Variants in UPK3B observed in about 807,000 individuals in gnomAD.
UPK3B encodes the protein uroplakin 3B, also known as uroplakin-3b.
Under a neutral mutation model 27.6 loss-of-function variants are expected in UPK3B, and 21 were observed. The ratio of observed to expected loss-of-function variants is 0.76; its 90% CI spans 0.54 to 1.10. The LOEUF (loss-of-function observed/expected upper bound fraction) is 1.10. Among genes scored for constraint, UPK3B ranks in the 50% least tolerant of loss-of-function variants. UPK3B has a pLI of 0.00. For synonymous variants in UPK3B, 141 were observed against 162.3 expected (o/e 0.87, Z 1.00); for missense variants, 306 against 376.1 (o/e 0.81, Z 1.54).
intron 5 of UPK3B, 70 bp downstream of exon 5, chr7:76,514,146 G>A: frequency 6.2e-7 from 1 of 1,608,186 alleles, no homozygotes; most frequent in Non-Finnish European, 8.5e-7. Context: ...CCCAGTGTCT[G>A]GAAGCCCTCC....
chr7:76,513,800 G>T (rs1812624366), intron 4 of UPK3B, 147 bp from the exon 5 acceptor site: 1 of 1,170,858 alleles, frequency 8.5e-7, no homozygotes, highest in Non-Finnish European at 1.2e-6. Context: ...AAGAGGGACG[G>T]GGGGTGGGAT....
In UPK3B at chr7:76,511,535, G is replaced by A. The variant is rs1812530755; in HGVS notation, c.236-122G>A. The A allele has an allele frequency of 1.7e-5, 17 of 1,019,280 alleles. No homozygotes were observed. In the South Asian group the frequency reaches 2.2e-4, roughly 13 times the overall value. 63.1% of individuals were successfully genotyped at this position (1,019,280 alleles called of 1,614,324 possible). On this transcript the variant is annotated intron_variant, in intron 2 of 5. Coordinates refer to ENST00000334348, the MANE Select transcript of UPK3B (RefSeq NM_001347684.2). ...GACTGGGTCTGGACTATCTCTGGGG[G>A]CCCTGAGGGAGGAGGTGGCATGGGG...
In UPK3B at chr7:76,516,125, C is replaced by G. The variant is rs1287738399; in HGVS notation, c.*921C>G. ...ACTCGGGGTCGCCGGTGAGCCGCAG[C>G]CAGGCCGCCTCACGGCCAGTGTGCA... On this transcript the variant is annotated 3_prime_UTR_variant, in exon 6 of 6. Coordinates refer to ENST00000334348, the MANE Select transcript of UPK3B (RefSeq NM_001347684.2). 2 of 611,210 alleles carry G rather than the reference C, an allele frequency of 3.3e-6. No individual in the cohort carries two copies. The highest frequency in any genetic ancestry group is 3.5e-4 in the East Asian group (2 of 5,744). 37.9% of individuals were successfully genotyped at this position (611,210 alleles called of 1,614,324 possible).
Position 76,510,747 on chromosome 7 carries a change from G to C in UPK3B, c.85+10G>C, listed in dbSNP as rs764421327. ...CCCAGCCTGAGCCTGGGTGAGTGGGGGTCCTGGATGGACGCGTCCAGCCAG... is the reference window on the plus strand; with the variant it reads ...CCCAGCCTGAGCCTGGGTGAGTGGGCGTCCTGGATGGACGCGTCCAGCCAG... On this transcript the variant is annotated intron_variant, in intron 1 of 5. Transcript: ENST00000334348. The C allele has an allele frequency of 6.5e-7, 1 of 1,531,158 alleles. No homozygotes were observed. The highest frequency in any genetic ancestry group is 1.4e-5 in the African/African-American group (1 of 72,510). 94.8% of individuals were successfully genotyped at this position (1,531,158 alleles called of 1,614,324 possible). A position where few individuals can be genotyped will look rare whatever the true frequency, so the allele number is the denominator to read the frequency against.
intron 3 of UPK3B, 82 bp from the exon 4 acceptor site, chr7:76,513,002 A>C (rs983144038): frequency 1.7e-4 from 201 of 1,166,898 alleles, no homozygotes; most frequent in Admixed American, 4.1e-4. Flanking sequence ...GCCCCAGAGG[A>C]GCTGCCTGGG....
Position 76,515,147 on chromosome 7 carries a change from C to CA in UPK3B, c.775dup (p.Thr259AsnfsTer35), listed in dbSNP as rs1297177127. The CA allele has an allele frequency of 6.3e-7, 1 of 1,598,818 alleles. No homozygotes were observed. The highest frequency in any genetic ancestry group is 1.3e-5 in the African/African-American group (1 of 74,764). On this transcript the variant is annotated frameshift_variant, in exon 6 of 6. Coordinates refer to ENST00000334348, the MANE Select transcript of UPK3B (RefSeq NM_001347684.2). LOFTEE classifies it high-confidence loss of function. ...ACCACATCCCACCCAGAGAGGCCGC[C>CA]ACACTGCCGGTGGGCTGCAAGCCTG...
At position 76,515,360 on chromosome 7, in the gene UPK3B, C is replaced by G; in HGVS notation, c.*156C>G. On this transcript the variant is annotated 3_prime_UTR_variant, in exon 6 of 6. Coordinates refer to ENST00000334348, the MANE Select transcript of UPK3B (RefSeq NM_001347684.2). ...CCCTGCCTGGAATCCCAGCACCAGC[C>G]CCCCTGCCTCTCCTCTGCCTTTCTG... 1 of 1,492,990 alleles carries G rather than the reference C, an allele frequency of 6.7e-7. No homozygotes were observed. The highest frequency in any genetic ancestry group is 2.5e-5 in the East Asian group (1 of 40,502). 92.5% of individuals were successfully genotyped at this position (1,492,990 alleles called of 1,614,324 possible).
At chr7:76,513,321 T>C (rs1812601808) in intron 4 of UPK3B, among the ~76,000 whole-genome samples, 158 bp downstream of exon 4, 1 of 151,298 alleles carries the variant, frequency 6.6e-6, no homozygotes, top group South Asian at 2.1e-4. Flanking sequence ...GCTGGGGGAG[T>C]GGGGCACCCA....
At position 76,513,085 on chromosome 7, in the gene UPK3B, G is replaced by A. The variant is rs1322972838; in HGVS notation, c.463G>A (p.Val155Met). ...TCCCCCACCACCTCCCATCCCCAGG[G>A]TGAAGTTCCTCCTGATGGACACCAG... ...APLPGPGPYR[V>M]KFLLMDTRGS... The change falls in exon 4 of 6, where the codon GTG (valine) becomes ATG (methionine). Residue 155 changes from valine (V) to methionine (M), a missense_variant and splice_region_variant. By Grantham distance (21) the Val-to-Met change is conservative. This residue lies in a region of UPK3B where 174 missense variants were observed against 166.6 expected (regional missense o/e 1.04). Coordinates refer to ENST00000334348, the MANE Select transcript of UPK3B (RefSeq NM_001347684.2). The A allele has an allele frequency of 1.9e-6, 3 of 1,612,750 alleles. No individual in the cohort carries two copies. Among genetic ancestry groups the A allele is most frequent in the Non-Finnish European group, 2.5e-6 (3 of 1,179,468 alleles).
Position 76,510,872 on chromosome 7 carries a change from G to A in UPK3B, c.86-31G>A, listed in dbSNP as rs539728540. ...CCCAGGGACCCCCACGCCCGTCTCC[G>A]TGGCTCACCTTTTGTCCCCCGTGGC... On this transcript the variant is annotated intron_variant, in intron 1 of 5. Coordinates refer to ENST00000334348, the MANE Select transcript of UPK3B (RefSeq NM_001347684.2). 625 of 1,596,530 alleles carry A rather than the reference G, an allele frequency of 3.9e-4. 6 individuals carry two copies. The South Asian group carries it at 5.0e-3, about 13-fold the overall frequency.
intron 5 of UPK3B, 26 bp downstream of exon 5, chr7:76,514,102 C>T (rs778755599): frequency 1.2e-6 from 2 of 1,613,822 alleles, no homozygotes; most frequent in East Asian, 2.2e-5. Context: ...CCCTCGGGCC[C>T]CTCTCCCACC....
chr7:76,513,007 C>T, intron 3 of UPK3B, 77 bp from the exon 4 acceptor site: 2 of 1,258,300 alleles, frequency 1.6e-6, no homozygotes, highest in Non-Finnish European at 2.3e-6. Flanking sequence ...AGAGGAGCTG[C>T]CTGGGGCTTG....
At chr7:76,514,924 A>AT in intron 5 of UPK3B, 121 bp from the exon 6 acceptor site, 6 of 1,177,296 alleles carry the variant, frequency 5.1e-6, no homozygotes, top group African/African-American at 1.6e-5. Flanking sequence ...AAAAAAAAAA[A>AT]GAAAAGAGAG....
intron 4 of UPK3B, 99 bp from the exon 5 acceptor site, chr7:76,513,848 G>A (rs1305598129): frequency 1.3e-6 from 2 of 1,572,182 alleles, no homozygotes; most frequent in African/African-American, 1.3e-5. Context: ...GCCAGACCTT[G>A]AAGCTAGGCC....
At chr7:76,513,304 A>G (rs1233952166) in intron 4 of UPK3B, 141 bp downstream of exon 4, 4 of 783,142 alleles carry the variant, frequency 5.1e-6, no homozygotes, top group Non-Finnish European at 8.2e-6. Context: ...CCCCAACAGA[A>G]CCTCATGCTG....
In UPK3B at chr7:76,515,361, C is replaced by G. The variant is rs1812705859; in HGVS notation, c.*157C>G. The G allele has an allele frequency of 6.7e-7, 1 of 1,497,126 alleles. No homozygotes were observed. The highest frequency in any genetic ancestry group is 1.4e-5 in the African/African-American group (1 of 72,394). The allele number at this position is 1,497,126 out of a possible 1,614,324, so 92.7% of individuals were successfully genotyped here. A position where few individuals can be genotyped will look rare whatever the true frequency, so the allele number is the denominator to read the frequency against. ...CCTGCCTGGAATCCCAGCACCAGCC[C>G]CCCTGCCTCTCCTCTGCCTTTCTGG... On this transcript the variant is annotated 3_prime_UTR_variant, in exon 6 of 6. Transcript: ENST00000334348.
chr7:76,515,014 T>C, intron 5 of UPK3B, 31 bp from the exon 6 acceptor site: 1 of 1,549,884 alleles, frequency 6.5e-7, no homozygotes, highest in Admixed American at 2.0e-5. Flanking sequence ...GGCAGGGACA[T>C]ATGTCTCTTC....
rs575690787 is a variant in UPK3B at position 76,514,270 on chromosome 7, T to A, written c.671+194T>A. Among the ~76,000 whole-genome samples the A allele has an allele frequency of 5.1e-4, 78 of 152,168 alleles. 1 individual carries two copies. In the South Asian group the frequency reaches 0.016, roughly 31 times the overall value. ...ATCCTCCCGTCTCGGCCTCCCAAAGTATTAGGATTACAGGTGTGAGCCACC... is the reference window on the plus strand; with the variant it reads ...ATCCTCCCGTCTCGGCCTCCCAAAGAATTAGGATTACAGGTGTGAGCCACC... On this transcript the variant is annotated intron_variant, in intron 5 of 5. Coordinates refer to ENST00000334348, the MANE Select transcript of UPK3B (RefSeq NM_001347684.2).
intron 1 of UPK3B, 73 bp from the exon 2 acceptor site, chr7:76,510,830 C>T (rs781507366): frequency 6.5e-5 from 104 of 1,602,262 alleles, no homozygotes; most frequent in East Asian, 2.5e-4. Context: ...CGCCCCCCTC[C>T]GATTGGGAGA....
Sources: gnomAD v4.1 joint callset for allele counts (sites outside exome capture counted in the v4.1 genomes callset) on GRCh38, gnomAD v4.1.1 for gene constraint, gnomAD v4.1.1 regional missense constraint, MANE v1.5 for transcripts, NCBI Gene and HGNC (gene_info 2026-07-23, HGNC 2026-07-21) for gene names.